TMEM38B: variants seen among roughly 807,000 people sequenced by gnomAD.
TMEM38B encodes the protein transmembrane protein 38B.
In TMEM38B, 24 loss-of-function variants were observed where a neutral mutation model predicts 28.7. The ratio of observed to expected loss-of-function variants is 0.84; its 90% CI spans 0.61 to 1.18. The LOEUF is 1.18. Among genes scored for constraint, TMEM38B ranks in the 50% most tolerant of loss-of-function variants. TMEM38B has a pLI of 0.00. For missense variants in TMEM38B, 380 were observed against 350.9 expected, an observed-to-expected ratio of 1.08 and a Z score of -0.66; for synonymous variants, 131 against 127.7, an observed-to-expected ratio of 1.03 and a Z score of -0.17.
chr9:105,754,885 A>G (rs10441744), intron 5 of TMEM38B, among the ~76,000 whole-genome samples: 20,165 of 152,168 alleles, frequency 0.13, 1,971 homozygotes, highest in East Asian at 0.46. Context: ...AGACTAATAA[A>G]GAAAAACAGA....
At chr9:105,737,585 G>A (rs968261539) in intron 4 of TMEM38B, among the ~76,000 whole-genome samples, 10 of 152,214 alleles carry the variant, frequency 6.6e-5, no homozygotes, top group South Asian at 4.1e-4. Context: ...CCTCAGCAGC[G>A]TAGACGCTGG....
Position 105,750,647 on chromosome 9 carries a change from T to A in TMEM38B, c.660+2457T>A, listed in dbSNP as rs7863153. On this transcript the variant is annotated intron_variant, in intron 5 of 5. Coordinates refer to ENST00000374692, the MANE Select transcript of TMEM38B (RefSeq NM_018112.3). ...AAAAACAAAAAACACACATTTTTTT[T>A]ATGAGTCCAATTTACCTATTTTCTC... 8.6e-3 allele frequency among the ~76,000 whole-genome samples: 1,311 copies of A among 152,272 alleles called. 17 individuals carry two copies. Among genetic ancestry groups the A allele is most frequent in the African/African-American group, 0.03 (1,226 of 41,546 alleles).
rs374218345 is a variant in TMEM38B, at chr9:105,707,425, T to G, written c.269+1672T>G. Among the ~76,000 whole-genome samples the G allele has an allele frequency of 9.9e-5, 15 of 152,154 alleles. 1 individual carries two copies. In the East Asian group the frequency reaches 2.1e-3, roughly 21 times the overall value. On this transcript the variant is annotated intron_variant, in intron 2 of 5. Transcript: ENST00000374692. Reference sequence around the variant, plus strand: ...ATCTATAATAAAAATTATAGTTTTTTTAATGTATAAAGCAGAAACTGTTTT... The same window carrying G: ...ATCTATAATAAAAATTATAGTTTTTGTAATGTATAAAGCAGAAACTGTTTT...
intron 5 of TMEM38B, among the ~76,000 whole-genome samples, chr9:105,767,497 T>G (rs1486165800): frequency 6.6e-6 from 1 of 152,210 alleles, no homozygotes. Flanking sequence ...CTGGAATTGT[T>G]TTTGAGATTG....
Position 105,702,050 on chromosome 9 carries a change from G to GA in TMEM38B, c.113-3541dup, listed in dbSNP as rs578137232. ...GCCAACATAGTGAGACCCCATCTCT[G>GA]AAAAAATTTAAAAAAATTTAAAAAC... On this transcript the variant is annotated intron_variant, in intron 1 of 5. Coordinates refer to ENST00000374692, the MANE Select transcript of TMEM38B (RefSeq NM_018112.3). Among the ~76,000 whole-genome samples the GA allele has an allele frequency of 1.2e-3, 184 of 152,074 alleles. 1 individual carries two copies. Among genetic ancestry groups the GA allele is most frequent in the African/African-American group, 4.2e-3 (174 of 41,472 alleles).
chr9:105,706,128 A>T (rs976394560), intron 2 of TMEM38B, among the ~76,000 whole-genome samples: 1 of 152,244 alleles, frequency 6.6e-6, no homozygotes, highest in East Asian at 1.9e-4. Flanking sequence ...TGAACTCCTG[A>T]CGTGAGGTGA....
chr9:105,742,021 G>C (rs974642047), intron 4 of TMEM38B, among the ~76,000 whole-genome samples: 2 of 152,148 alleles, frequency 1.3e-5, no homozygotes, highest in Non-Finnish European at 2.9e-5. Flanking sequence ...CTAGTGACAT[G>C]GATTGCTGTG....
intron 5 of TMEM38B, among the ~76,000 whole-genome samples, chr9:105,751,046 T>C (rs1437700085): frequency 6.6e-6 from 1 of 152,218 alleles, no homozygotes; most frequent in Non-Finnish European, 1.5e-5. Flanking sequence ...TGTAGCATTG[T>C]AGTTAGTTTT....
At chr9:105,758,367 T>C (rs145595043) in intron 5 of TMEM38B, 22 of 1,088,478 alleles carry the variant, frequency 2.0e-5, no homozygotes, top group South Asian at 1.9e-4. Context: ...TGGATTCTGC[T>C]ACTTATGGAA....
chr9:105,768,077 C>T (rs1826431790), intron 5 of TMEM38B, among the ~76,000 whole-genome samples: 1 of 151,952 alleles, frequency 6.6e-6, no homozygotes, highest in Non-Finnish European at 1.5e-5. Flanking sequence ...TTATAGATAT[C>T]CTTTATGAGG....
At chr9:105,714,556 G>A (rs905538150) in intron 2 of TMEM38B, among the ~76,000 whole-genome samples, 3 of 152,108 alleles carry the variant, frequency 2.0e-5, no homozygotes, top group Non-Finnish European at 4.4e-5. Context: ...ATAATGAACT[G>A]GATGTCTGTC....
intron 4 of TMEM38B, among the ~76,000 whole-genome samples, chr9:105,737,881 GA>G (rs1837045131): frequency 6.6e-6 from 1 of 152,170 alleles, no homozygotes; most frequent in African/African-American, 2.4e-5. Flanking sequence ...CTTAGACCCT[GA>G]GGAGTAGGAC....
chr9:105,727,522 T>C lies in TMEM38B; in HGVS notation c.542+4901T>C, dbSNP rs774661899. Among the ~76,000 whole-genome samples, 115 of 152,344 alleles carry C rather than the reference T, an allele frequency of 7.5e-4. 1 individual carries two copies. The highest frequency in any genetic ancestry group is 3.4e-3 in the Middle Eastern group (1 of 294). On this transcript the variant is annotated intron_variant, in intron 4 of 5. Coordinates refer to ENST00000374692, the MANE Select transcript of TMEM38B (RefSeq NM_018112.3). ...ATTTTGGAATATTTGTATTATATACTTACTTGGTTGAGCATCCCAAATTCA... is the reference window on the plus strand; with the variant it reads ...ATTTTGGAATATTTGTATTATATACCTACTTGGTTGAGCATCCCAAATTCA...
chr9:105,705,731 A>T lies in TMEM38B; in HGVS notation c.247A>T (p.Ile83Leu). 1 of 1,613,494 alleles carries T rather than the reference A, an allele frequency of 6.2e-7. No individual in the cohort carries two copies. Among genetic ancestry groups the T allele is most frequent in the East Asian group, 2.2e-5 (1 of 44,846 alleles). The change falls in exon 2 of 6, where the codon ATA becomes TTA. Residue 83 changes from isoleucine (I) to leucine (L), a missense_variant. Coordinates refer to ENST00000374692, the MANE Select transcript of TMEM38B (RefSeq NM_018112.3). ...GAAGTTTCTTGCAAACCACACTAAC[A>T]TATTACTGGCATCTTCAATCTGGTA... Reference protein sequence around the residue: ...PLKFLANHTNILLASSIWYIT... With the variant: ...PLKFLANHTNLLLASSIWYIT...
rs548881075 is a variant in TMEM38B, at chr9:105,724,869, G to C, written c.542+2248G>C. Among the ~76,000 whole-genome samples the C allele has an allele frequency of 2.6e-5, 4 of 151,950 alleles. No individual in the cohort carries two copies. The South Asian group carries it at 8.3e-4, about 32-fold the overall frequency. On this transcript the variant is annotated intron_variant, in intron 4 of 5. Transcript: ENST00000374692. ...AACACCTTCCATAAAACATTTTTTT[G>C]GGCTTTTATAACCAAAATCAAATTA...
chr9:105,704,615 A>G (rs1432781253), intron 1 of TMEM38B, among the ~76,000 whole-genome samples: 3 of 150,970 alleles, frequency 2.0e-5, no homozygotes, highest in East Asian at 3.9e-4. Context: ...TTCAGGTTGT[A>G]TATTTTTGTT....
At chr9:105,729,721 T>C (rs1836661326) in intron 4 of TMEM38B, among the ~76,000 whole-genome samples, 1 of 152,184 alleles carries the variant, frequency 6.6e-6, no homozygotes, top group Non-Finnish European at 1.5e-5. Flanking sequence ...GAGCAAGGAA[T>C]GTTCTTTCAT....
intron 1 of TMEM38B, among the ~76,000 whole-genome samples, chr9:105,704,260 G>C (rs937368627): frequency 4.6e-5 from 7 of 152,116 alleles, no homozygotes; most frequent in African/African-American, 1.7e-4. Flanking sequence ...AGCCTGGTGT[G>C]GTGGCGCGTG....
At chr9:105,761,777 G>A (rs1397214057) in intron 5 of TMEM38B, among the ~76,000 whole-genome samples, 2 of 152,114 alleles carry the variant, frequency 1.3e-5, no homozygotes, top group African/African-American at 2.4e-5. Flanking sequence ...TGAATTTTAG[G>A]GATGTTGTCT....
Sources: gnomAD v4.1 joint callset for allele counts (sites outside exome capture counted in the v4.1 genomes callset) on GRCh38, gnomAD v4.1.1 for gene constraint, MANE v1.5 for transcripts, NCBI Gene and HGNC (gene_info 2026-07-23, HGNC 2026-07-21) for gene names.